Variants in SYTL2 observed in about 807,000 individuals in gnomAD.
SYTL2 encodes synaptotagmin-like protein 2.
Under a neutral mutation model 198.7 loss-of-function variants are expected in SYTL2, and 165 were observed. The ratio of observed to expected loss-of-function variants is 0.83; its 90% CI spans 0.73 to 0.94. SYTL2 has a LOEUF of 0.94. Among genes scored for constraint, SYTL2 ranks in the 40% least tolerant of loss-of-function variants. SYTL2 has a pLI of 0.00. For missense variants in SYTL2, 2,835 were observed against 2,582.8 expected (o/e 1.10, Z -2.12); for synonymous variants, 966 against 917.7 (o/e 1.05, Z -0.95).
intron 17 of SYTL2, among the ~76,000 whole-genome samples, chr11:85,698,366 A>T (rs1313318761): frequency 6.6e-6 from 1 of 152,236 alleles, no homozygotes; most frequent in African/African-American, 2.4e-5. Flanking sequence ...ATCAAACACC[A>T]GGAATGTGAA....
chr11:85,851,650 G>T, the SYTL2 span, among the ~76,000 whole-genome samples: 1 of 152,198 alleles, frequency 6.6e-6, no homozygotes. Context: ...AACACTATAA[G>T]AAAAACTGTG....
At chr11:85,785,861 T>C (rs945039029) in intron 1 of SYTL2, among the ~76,000 whole-genome samples, 1 of 152,188 alleles carries the variant, frequency 6.6e-6, no homozygotes, top group Non-Finnish European at 1.5e-5. Flanking sequence ...AAGAATAAAA[T>C]ATTCCCAAGG....
the SYTL2 span, among the ~76,000 whole-genome samples, chr11:85,837,640 T>A: frequency 6.6e-6 from 1 of 152,170 alleles, no homozygotes; most frequent in South Asian, 2.1e-4. Context: ...GACAACAGAA[T>A]TAAGCCCTAG....
intron 13 of SYTL2, 51 bp downstream of exon 13, chr11:85,711,062 C>T: frequency 6.3e-7 from 1 of 1,592,202 alleles, no homozygotes; most frequent in Non-Finnish European, 8.6e-7. Context: ...CATGTCAGAG[C>T]AAGGTTCAGA....
rs773707883 is a variant in SYTL2 at position 85,748,255 on chromosome 11, T to C, written c.253+17A>G. 1.9e-6 allele frequency: 3 copies of C among 1,607,124 alleles called. No homozygotes were observed. Among genetic ancestry groups the C allele is most frequent in the Middle Eastern group, 1.7e-4 (1 of 6,034 alleles). ...AAACGAATGCTTGTTGTAAATGCAC[T>C]AGCCAAGTCAACTCACCTGCTATCT... On this transcript the variant is annotated intron_variant, in intron 3 of 19. Transcript: ENST00000359152.
At chr11:85,722,795 A>G (rs1309408690) in intron 8 of SYTL2, among the ~76,000 whole-genome samples, 3 of 152,020 alleles carry the variant, frequency 2.0e-5, no homozygotes, top group Non-Finnish European at 2.9e-5. Context: ...TTGATATTTC[A>G]ATTTCTTTCT....
At chr11:85,706,037 C>A (rs1196355316) in intron 15 of SYTL2, among the ~76,000 whole-genome samples, 1 of 152,128 alleles carries the variant, frequency 6.6e-6, no homozygotes, top group Non-Finnish European at 1.5e-5. Context: ...ATCTGTTAGT[C>A]ATGACTAAGG....
At chr11:85,822,577 C>G in the SYTL2 span, among the ~76,000 whole-genome samples, 2 of 152,240 alleles carry the variant, frequency 1.3e-5, no homozygotes, top group Non-Finnish European at 2.9e-5. Flanking sequence ...CTAAGTTCCA[C>G]TCCCTGACAT....
At chr11:85,715,474 C>G (rs1165984013) in intron 11 of SYTL2, among the ~76,000 whole-genome samples, 1 of 151,962 alleles carries the variant, frequency 6.6e-6, no homozygotes, top group African/African-American at 2.4e-5. Context: ...TTGACTTTAT[C>G]ATTATAAGAG....
At chr11:85,820,560 G>A in the SYTL2 span, among the ~76,000 whole-genome samples, 1 of 152,342 alleles carries the variant, frequency 6.6e-6, no homozygotes, top group African/African-American at 2.4e-5. Context: ...CTCTGGGGGT[G>A]AGGCCAAGCA....
chr11:85,847,706 T>C, the SYTL2 span, among the ~76,000 whole-genome samples: 1 of 152,228 alleles, frequency 6.6e-6, no homozygotes, highest in Non-Finnish European at 1.5e-5. Flanking sequence ...TCAATTTGCA[T>C]TTGCCTGATA....
At chr11:85,836,597 C>T in the SYTL2 span, among the ~76,000 whole-genome samples, 1 of 152,116 alleles carries the variant, frequency 6.6e-6, no homozygotes, top group East Asian at 1.9e-4. Context: ...CTCTAACATC[C>T]CAGAGTTTCT....
intron 1 of SYTL2, among the ~76,000 whole-genome samples, chr11:85,771,146 C>G (rs967772937): frequency 5.9e-5 from 9 of 152,282 alleles, no homozygotes; most frequent in African/African-American, 2.2e-4. Flanking sequence ...CACACTGCAC[C>G]TGATACATAG....
At chr11:85,791,193 A>AAAAAAC (rs2092725964) in intron 1 of SYTL2, among the ~76,000 whole-genome samples, 1 of 150,110 alleles carries the variant, frequency 6.7e-6, no homozygotes. Context: ...AAAAAAAAAA[A>AAAAAAC]AACAACCTTA....
intron 9 of SYTL2, among the ~76,000 whole-genome samples, chr11:85,719,540 A>G (rs963994716): frequency 1.3e-5 from 2 of 151,764 alleles, no homozygotes; most frequent in Non-Finnish European, 2.9e-5. Flanking sequence ...CTCAAGGCCC[A>G]TCACCAACAT....
intron 1 of SYTL2, among the ~76,000 whole-genome samples, chr11:85,782,175 T>G (rs2092571138): frequency 6.6e-6 from 1 of 152,240 alleles, no homozygotes; most frequent in South Asian, 2.1e-4. Context: ...CGTCAATTCT[T>G]GACTTCTGTG....
At chr11:85,836,925 A>T in the SYTL2 span, among the ~76,000 whole-genome samples, 1 of 152,138 alleles carries the variant, frequency 6.6e-6, no homozygotes, top group East Asian at 1.9e-4. Context: ...GGCATTTTTA[A>T]CCCTCAGAAA....
the SYTL2 span, among the ~76,000 whole-genome samples, chr11:85,818,591 G>T: frequency 6.6e-6 from 1 of 151,734 alleles, no homozygotes; most frequent in East Asian, 1.9e-4. Flanking sequence ...AATTGGAAAG[G>T]ATGGAAAAAA....
At chr11:85,823,565 T>A in the SYTL2 span, among the ~76,000 whole-genome samples, 1 of 152,390 alleles carries the variant, frequency 6.6e-6, no homozygotes, top group East Asian at 1.9e-4. Context: ...ACTAATTTAT[T>A]TCCCTTTTTG....
Sources: gnomAD v4.1 joint callset for allele counts (sites outside exome capture counted in the v4.1 genomes callset) on GRCh38, gnomAD v4.1.1 for gene constraint, MANE v1.5 for transcripts, NCBI Gene and HGNC (gene_info 2026-07-23, HGNC 2026-07-21) for gene names.